Variants in SLC24A2 observed in about 807,000 individuals in gnomAD.
The protein encoded by SLC24A2 is sodium/potassium/calcium exchanger 2.
In SLC24A2, 36 loss-of-function variants were observed where a neutral mutation model predicts 62.0. That is an observed-to-expected ratio of 0.58 (90% CI 0.44 to 0.77). The LOEUF is 0.77. SLC24A2 is among the 30% of genes least tolerant of loss of function. The probability of loss-of-function intolerance (pLI) is 0.00; values close to 1 mark genes in which losing one functional copy is unlikely to be tolerated. For missense variants in SLC24A2, 846 were observed against 817.9 expected (o/e 1.03, Z -0.42); for synonymous variants, 358 against 294.0 (o/e 1.22, Z -2.23).
At chr9:19,766,305 G>A (rs746817717) in intron 2 of SLC24A2, among the ~76,000 whole-genome samples, 5 of 152,164 alleles carry the variant, frequency 3.3e-5, no homozygotes, top group South Asian at 2.1e-4. Flanking sequence ...CTGTCAATTC[G>A]TCAAACTCAT....
the SLC24A2 span, among the ~76,000 whole-genome samples, chr9:19,898,804 G>A: frequency 9.3e-5 from 14 of 150,392 alleles, no homozygotes; most frequent in African/African-American, 2.9e-4. Context: ...GCACAAAACA[G>A]GTGACCAATT....
the SLC24A2 span, among the ~76,000 whole-genome samples, chr9:19,941,518 C>T: frequency 3.3e-5 from 5 of 149,872 alleles, no homozygotes; most frequent in South Asian, 2.1e-4. Flanking sequence ...CTTTTGAAAG[C>T]CACCAGATTT....
At chr9:19,651,629 C>T (rs1818804775) in intron 2 of SLC24A2, among the ~76,000 whole-genome samples, 1 of 152,204 alleles carries the variant, frequency 6.6e-6, no homozygotes, top group African/African-American at 2.4e-5. Context: ...AGCAAACTTT[C>T]ACTACTTTTT....
At chr9:20,256,426 T>A in the SLC24A2 span, among the ~76,000 whole-genome samples, 2 of 152,198 alleles carry the variant, frequency 1.3e-5, no homozygotes, top group Non-Finnish European at 2.9e-5. Flanking sequence ...CAGACAGTCC[T>A]GCCAAGACTT....
chr9:19,678,259 C>A lies in SLC24A2; in HGVS notation c.931-55960G>T, dbSNP rs561647324. 2.0e-5 allele frequency among the ~76,000 whole-genome samples: 3 copies of A among 152,320 alleles called. No individual in the cohort carries two copies. In the East Asian group the frequency reaches 5.8e-4, roughly 29 times the overall value. On this transcript the variant is annotated intron_variant, in intron 2 of 10. Transcript: ENST00000341998. ...TCTAAATTCTGTGTTCTTTCCACTACACCACCCAACAATCTAGTTTGTGTA... is the reference window on the plus strand; with the variant it reads ...TCTAAATTCTGTGTTCTTTCCACTAAACCACCCAACAATCTAGTTTGTGTA...
chr9:19,990,922 G>GATATATATATGTGTATATAT, the SLC24A2 span, among the ~76,000 whole-genome samples: 169 of 120,796 alleles, frequency 1.4e-3, 4 homozygotes, highest in African/African-American at 3.2e-3. Flanking sequence ...GGACTAATAG[G>GATATATATATGTGTATATAT]ATATATATAT....
intron 4 of SLC24A2, among the ~76,000 whole-genome samples, chr9:19,613,897 G>A (rs758307477): frequency 6.6e-5 from 10 of 152,186 alleles, no homozygotes; most frequent in Non-Finnish European, 1.3e-4. Context: ...GTGGGGCATA[G>A]AGCCATAGCC....
intron 2 of SLC24A2, among the ~76,000 whole-genome samples, chr9:19,709,307 G>T (rs1427189970): frequency 6.6e-6 from 1 of 152,102 alleles, no homozygotes; most frequent in Non-Finnish European, 1.5e-5. Context: ...ACTGTTGGTG[G>T]GACTGTAAAC....
intron 2 of SLC24A2, among the ~76,000 whole-genome samples, chr9:19,719,401 G>A (rs994896256): frequency 6.6e-6 from 1 of 152,132 alleles, no homozygotes; most frequent in Non-Finnish European, 1.5e-5. Flanking sequence ...TCCACATCAT[G>A]TTTTGCTTTA....
intron 2 of SLC24A2, among the ~76,000 whole-genome samples, chr9:19,737,138 T>G (rs1185910784): frequency 1.3e-5 from 2 of 152,178 alleles, no homozygotes; most frequent in African/African-American, 4.8e-5. Context: ...ACTAAGAACT[T>G]TGCCAGACAC....
the SLC24A2 span, among the ~76,000 whole-genome samples, chr9:20,101,661 A>G: frequency 9.8e-5 from 15 of 152,328 alleles, no homozygotes; most frequent in South Asian, 3.1e-3. Context: ...AAAGGAATGG[A>G]GACCTGACCT....
At chr9:19,576,270 G>A (rs1444568867) in intron 6 of SLC24A2, among the ~76,000 whole-genome samples, 2 of 152,208 alleles carry the variant, frequency 1.3e-5, no homozygotes, top group Non-Finnish European at 2.9e-5. Flanking sequence ...GAATAAGAGA[G>A]CTATATTATA....
At chr9:20,271,441 G>T in the SLC24A2 span, among the ~76,000 whole-genome samples, 1 of 151,972 alleles carries the variant, frequency 6.6e-6, no homozygotes, top group African/African-American at 2.4e-5. Context: ...ATATGCTGCT[G>T]CTGCTTTCTT....
At chr9:19,947,578 C>G in the SLC24A2 span, among the ~76,000 whole-genome samples, 4 of 151,704 alleles carry the variant, frequency 2.6e-5, no homozygotes, top group African/African-American at 4.8e-5. Context: ...ATCATGAGGT[C>G]AAGAGATTGA....
chr9:19,648,453 G>T (rs865847424), intron 2 of SLC24A2, among the ~76,000 whole-genome samples: 1 of 152,106 alleles, frequency 6.6e-6, no homozygotes, highest in South Asian at 2.1e-4. Flanking sequence ...AAACACAAGA[G>T]AAAAAGTTGA....
intron 8 of SLC24A2, among the ~76,000 whole-genome samples, chr9:19,544,923 G>A (rs965335544): frequency 6.6e-6 from 1 of 152,164 alleles, no homozygotes; most frequent in Non-Finnish European, 1.5e-5. Context: ...CTCTTCTCAA[G>A]GAGTATCTTT....
the SLC24A2 span, among the ~76,000 whole-genome samples, chr9:19,966,143 T>A: frequency 6.6e-6 from 1 of 152,216 alleles, no homozygotes; most frequent in South Asian, 2.1e-4. Context: ...CAGCAGGTGC[T>A]TAATAAATAC....
the SLC24A2 span, among the ~76,000 whole-genome samples, chr9:19,843,363 G>A: frequency 6.6e-6 from 1 of 152,088 alleles, no homozygotes; most frequent in African/African-American, 2.4e-5. Flanking sequence ...CGCACACAAA[G>A]TAGCCAGGCG....
Position 19,769,675 on chromosome 9 carries a change from C to T in SLC24A2, c.930+16262G>A, listed in dbSNP as rs143900470. Among the ~76,000 whole-genome samples, 768 of 152,272 alleles carry T rather than the reference C, an allele frequency of 5.0e-3. 9 individuals are homozygous for T. The highest frequency in any genetic ancestry group is 0.018 in the African/African-American group (730 of 41,556). ...ATGTAATCAGCAGGGCTGCATCCTACGCTGTGCATTTGTGCACTACCCAGA... is the reference window on the plus strand; with the variant it reads ...ATGTAATCAGCAGGGCTGCATCCTATGCTGTGCATTTGTGCACTACCCAGA... On this transcript the variant is annotated intron_variant, in intron 2 of 10. Transcript: ENST00000341998.
Sources: gnomAD v4.1 joint callset for allele counts (sites outside exome capture counted in the v4.1 genomes callset) on GRCh38, gnomAD v4.1.1 for gene constraint, MANE v1.5 for transcripts, NCBI Gene and HGNC (gene_info 2026-07-23, HGNC 2026-07-21) for gene names.